Variants in ZSCAN18 observed in about 807,000 individuals in gnomAD.
ZSCAN18 encodes the protein zinc finger and SCAN domain-containing protein 18.
ZSCAN18 carries 16 observed loss-of-function variants against 31.1 expected under a neutral mutation model. The ratio of observed to expected loss-of-function variants is 0.51; its 90% CI spans 0.35 to 0.78. The LOEUF (loss-of-function observed/expected upper bound fraction) is 0.78. ZSCAN18 is among the 30% of genes least tolerant of loss of function. ZSCAN18 has a pLI of 0.01. For synonymous variants in ZSCAN18, 375 were observed against 320.7 expected, an observed-to-expected ratio of 1.17 and a Z score of -1.81; for missense variants, 731 against 697.4, an observed-to-expected ratio of 1.05 and a Z score of -0.54.
chr19:58,084,890 C>G lies in ZSCAN18; in HGVS notation c.1328G>C (p.Cys443Ser). 1 of 1,595,906 alleles carries G rather than the reference C, an allele frequency of 6.3e-7. No individual in the cohort carries two copies. Among genetic ancestry groups the G allele is most frequent in the South Asian group, 1.1e-5 (1 of 88,608 alleles). The change falls in exon 7 of 7, where the codon TGT becomes TCT. Residue 443 changes from cysteine (C) to serine (S), a missense_variant. Cys to Ser is a moderately radical substitution (Grantham distance 112, BLOSUM62 -1). This residue lies in a region of ZSCAN18 where 597 missense variants were observed against 499.5 expected (regional missense o/e 1.20). Transcript: ENST00000601144. This position sits in a 1 kb window ranked among gnomAD's most constrained non-coding sequence, Gnocchi z 4.5. ...SSHGGRKRYACQGCWKTFHFS... is the reference protein window; with the variant it reads ...SSHGGRKRYASQGCWKTFHFS... ...GTGGAAGGTCTTCCAGCAGCCCTGA[C>G]AGGCGTAGCGCTTCCGGCCGCCATG...
intron 1 of ZSCAN18, among the ~76,000 whole-genome samples, chr19:58,105,615 C>T (rs1292494531): frequency 1.3e-5 from 2 of 151,928 alleles, no homozygotes; most frequent in African/African-American, 2.4e-5. Flanking sequence ...GAGCAGAGAT[C>T]GCACCACTGC....
chr19:58,118,415 G>C (rs1434918537), upstream of ZSCAN18: 1 of 1,485,032 alleles, frequency 6.7e-7, no homozygotes, highest in Non-Finnish European at 9.0e-7. Context: ...AGAGTTCCCG[G>C]ATGCGATATT....
chr19:58,114,976 C>T (rs1166560223), intron 1 of ZSCAN18, among the ~76,000 whole-genome samples: 2 of 152,170 alleles, frequency 1.3e-5, no homozygotes, highest in South Asian at 2.1e-4. Context: ...GATGCTAGCG[C>T]TAGAAGCTGT....
intron 1 of ZSCAN18, chr19:58,108,122 G>A: frequency 5.1e-6 from 5 of 988,164 alleles, no homozygotes; most frequent in Non-Finnish European, 6.0e-6. Flanking sequence ...TTTTTTTGAT[G>A]CAAAAGAGCT....
chr19:58,088,644 C>T (rs1200042247), intron 3 of ZSCAN18, 44 bp downstream of exon 3: 6 of 1,589,852 alleles, frequency 3.8e-6, no homozygotes, highest in Non-Finnish European at 5.1e-6. Flanking sequence ...CCCAACACCC[C>T]ACCTAAGGCC....
chr19:58,093,939 A>AT (rs1204811199), intron 1 of ZSCAN18, among the ~76,000 whole-genome samples: 1 of 151,516 alleles, frequency 6.6e-6, no homozygotes, highest in Non-Finnish European at 1.5e-5. Context: ...TAATTTTTGT[A>AT]TTTTTAGTAC....
intron 1 of ZSCAN18, chr19:58,093,392 TTCTGA>T (rs749996532): frequency 5.3e-5 from 8 of 152,164 alleles, no homozygotes; most frequent in Non-Finnish European, 7.3e-5. Context: ...GTGGGGTCCT[TTCTGA>T]TCTATTTAAA....
At chr19:58,100,693 G>A (rs1395248777), upstream of ZSCAN18, among the ~76,000 whole-genome samples, 1 of 131,522 alleles carries the variant, frequency 7.6e-6, no homozygotes, top group East Asian at 2.2e-4. Context: ...GGATCACGAG[G>A]TCAACATGGT....
At position 58,085,410 on chromosome 19, in the gene ZSCAN18, G is replaced by A. The variant is rs201797705; in HGVS notation, c.839-31C>T. 1.3e-5 allele frequency: 20 copies of A among 1,527,798 alleles called. 1 individual carries two copies. Among genetic ancestry groups the A allele is most frequent in the Admixed American group, 1.2e-4 (6 of 50,904 alleles). The allele number at this position is 1,527,798 out of a possible 1,614,324, so 94.6% of individuals were successfully genotyped here. On this transcript the variant is annotated intron_variant, in intron 6 of 6. Transcript: ENST00000601144. Reference sequence around the variant, plus strand: ...ACAAGGTCAGAGCCCTAGCGTGAGCGCCCCGCCCAGGGCCAGGGAGAGGAG... The same window carrying A: ...ACAAGGTCAGAGCCCTAGCGTGAGCACCCCGCCCAGGGCCAGGGAGAGGAG...
intron 1 of ZSCAN18, among the ~76,000 whole-genome samples, chr19:58,112,594 T>G (rs2074692796): frequency 6.7e-6 from 1 of 150,052 alleles, no homozygotes; most frequent in African/African-American, 2.5e-5. Context: ...GAGATTGCAG[T>G]GAGCCGAGAT....
intron 5 of ZSCAN18, 91 bp downstream of exon 5, chr19:58,086,815 A>G (rs547773322): frequency 2.1e-6 from 2 of 961,012 alleles, no homozygotes; most frequent in Non-Finnish European, 3.2e-6. Flanking sequence ...ACAGTGTCCC[A>G]GCCAAAGTCC....
chr19:58,097,991 C>T (rs1372449534), intron 1 of ZSCAN18, 183 bp downstream of exon 1: 112 of 985,706 alleles, frequency 1.1e-4, no homozygotes, highest in Non-Finnish European at 1.2e-4. Context: ...CCGGCCCCTG[C>T]CCCGCACTCC....
At chr19:58,088,416 T>A in intron 3 of ZSCAN18, 1 of 385,472 alleles carries the variant, frequency 2.6e-6, no homozygotes, top group Non-Finnish European at 4.8e-6. Context: ...TTTCAGAGGG[T>A]TCATGGTCGG....
intron 1 of ZSCAN18, chr19:58,108,103 C>A: frequency 1.0e-6 from 1 of 990,378 alleles, no homozygotes; most frequent in Non-Finnish European, 1.2e-6. Context: ...AGATTTCTTT[C>A]CAGAATGATT....
At chr19:58,108,943 G>C (rs866691780) in intron 1 of ZSCAN18, 1 of 1,085,184 alleles carries the variant, frequency 9.2e-7, no homozygotes, top group South Asian at 4.5e-5. Context: ...TTGACCGTTA[G>C]AGCCTTTCTG....
At chr19:58,088,632 T>C in intron 3 of ZSCAN18, 56 bp downstream of exon 3, 1 of 1,573,822 alleles carries the variant, frequency 6.4e-7, no homozygotes. Context: ...CACAGGCCTC[T>C]GCCCAACACC....
At chr19:58,118,208 G>T in intron 1 of ZSCAN18, 3 of 852,488 alleles carry the variant, frequency 3.5e-6, no homozygotes, top group Non-Finnish European at 3.4e-6. Context: ...CTCACAGACA[G>T]AAAGAGCGAC....
At chr19:58,085,617 A>G in intron 6 of ZSCAN18, 1 of 529,112 alleles carries the variant, frequency 1.9e-6, no homozygotes, top group Non-Finnish European at 3.3e-6. Context: ...CACCGACAGG[A>G]CAGGAAGGAC....
At chr19:58,116,101 T>C (rs1462975421) in intron 1 of ZSCAN18, among the ~76,000 whole-genome samples, 1 of 150,668 alleles carries the variant, frequency 6.6e-6, no homozygotes. Flanking sequence ...TTGTAGCACA[T>C]AAAGCATGCC....
Sources: gnomAD v4.1 joint callset for allele counts (sites outside exome capture counted in the v4.1 genomes callset) on GRCh38, gnomAD v4.1.1 for gene constraint, gnomAD v4.1.1 regional missense constraint, Gnocchi (gnomAD v3.1) non-coding constraint, MANE v1.5 for transcripts, NCBI Gene and HGNC (gene_info 2026-07-23, HGNC 2026-07-21) for gene names.